Variants in PLAC8L1 observed in about 807,000 individuals in gnomAD.
PLAC8L1 encodes the protein PLAC8 like 1.
In PLAC8L1, 13 loss-of-function variants were observed where a neutral mutation model predicts 16.3. That is an observed-to-expected ratio of 0.80 (90% CI 0.52 to 1.27). The LOEUF (loss-of-function observed/expected upper bound fraction) is 1.27, where lower values mean the gene tolerates loss of function less well. PLAC8L1 is among the 50% of genes most tolerant of loss of function. PLAC8L1 has a pLI of 0.00. For synonymous variants in PLAC8L1, 78 were observed against 79.3 expected, an observed-to-expected ratio of 0.98 and a Z score of 0.09; for missense variants, 184 against 220.2, an observed-to-expected ratio of 0.84 and a Z score of 1.04.
Position 146,084,325 on chromosome 5 carries a change from C to G in PLAC8L1, c.*107G>C. On this transcript the variant is annotated 3_prime_UTR_variant, in exon 4 of 4. Transcript: ENST00000311450. ...ACAGTAGAGACAGTAGGGGGGAAAT[C>G]ATTTATTTTCATACCATTTCAGTAA... The G allele has an allele frequency of 7.3e-7, 1 of 1,366,818 alleles. No homozygotes were observed. The highest frequency in any genetic ancestry group is 2.3e-5 in the East Asian group (1 of 43,118). The allele number at this position is 1,366,818 out of a possible 1,614,324, so 84.7% of individuals were successfully genotyped here. A position where few individuals can be genotyped will look rare whatever the true frequency, so the allele number is the denominator to read the frequency against.
rs143912560 is a variant in PLAC8L1, at chr5:146,086,321, G to A, written c.257-724C>T. ...TGGGATTACAGGCGTGAGCCACCGCGCCCGGCCGAAAGGTCTTTTATAGTA... is the reference window on the plus strand; with the variant it reads ...TGGGATTACAGGCGTGAGCCACCGCACCCGGCCGAAAGGTCTTTTATAGTA... On this transcript the variant is annotated intron_variant, in intron 2 of 3. Transcript: ENST00000311450. Among the ~76,000 whole-genome samples, 332 of 152,250 alleles carry A rather than the reference G, an allele frequency of 2.2e-3. 3 individuals are homozygous for A. The highest frequency in any genetic ancestry group is 7.8e-3 in the African/African-American group (322 of 41,540).
intron 2 of PLAC8L1, 110 bp from the exon 3 acceptor site, chr5:146,085,707 C>T (rs1763499551): frequency 1.7e-6 from 2 of 1,174,208 alleles, no homozygotes; most frequent in Non-Finnish European, 2.3e-6. Context: ...TGCACTGTCT[C>T]CCTGCTATCA....
At chr5:146,098,486 C>CT (rs202236342) in intron 1 of PLAC8L1, among the ~76,000 whole-genome samples, 194 bp from the exon 2 acceptor site, 1,715 of 152,302 alleles carry the variant, frequency 0.011, 25 homozygotes, top group African/African-American at 0.035. Context: ...TGCCTCATCT[C>CT]TATTAATGGA....
At chr5:146,101,141 G>C (rs1056970635) in intron 1 of PLAC8L1, among the ~76,000 whole-genome samples, 2 of 147,050 alleles carry the variant, frequency 1.4e-5, no homozygotes, top group African/African-American at 2.5e-5. Context: ...AGGCTGCAAT[G>C]AGCCGAGATT....
rs1036094911 is a variant in PLAC8L1 at position 146,104,709 on chromosome 5, T to G, written c.-398A>C. ...ATGTGACTGAGAAGCAGCAGAGACCTCTCTTCATCCCCTGAACTGCTGGTC... is the reference window on the plus strand; with the variant it reads ...ATGTGACTGAGAAGCAGCAGAGACCGCTCTTCATCCCCTGAACTGCTGGTC... On this transcript the variant is annotated 5_prime_UTR_variant, in exon 1 of 4. Coordinates refer to ENST00000311450, the MANE Select transcript of PLAC8L1 (RefSeq NM_001029869.3). 5.3e-6 allele frequency: 1 copy of G among 187,286 alleles called. No individual in the cohort carries two copies. The highest frequency in any genetic ancestry group is 1.1e-5 in the Non-Finnish European group (1 of 91,800). The allele number at this position is 187,286 out of a possible 1,614,324, so 11.6% of individuals were successfully genotyped here.
intron 2 of PLAC8L1, among the ~76,000 whole-genome samples, chr5:146,094,293 G>T (rs561223994): frequency 6.6e-6 from 1 of 152,202 alleles, no homozygotes; most frequent in African/African-American, 2.4e-5. Flanking sequence ...TGTTGGCTAT[G>T]GTTGGTCTCA....
intron 2 of PLAC8L1, among the ~76,000 whole-genome samples, chr5:146,088,731 G>A (rs1351537111): frequency 2.0e-5 from 3 of 152,090 alleles, no homozygotes; most frequent in Admixed American, 1.3e-4. Context: ...ATAAGACTGG[G>A]ATATTTCACC....
At chr5:146,091,614 T>C (rs1486333105) in intron 2 of PLAC8L1, among the ~76,000 whole-genome samples, 2 of 150,968 alleles carry the variant, frequency 1.3e-5, no homozygotes, top group African/African-American at 2.4e-5. Context: ...CTGGGAAACA[T>C]AGCGAGACTC....
At chr5:146,088,920 A>G (rs1763565670) in intron 2 of PLAC8L1, among the ~76,000 whole-genome samples, 1 of 152,220 alleles carries the variant, frequency 6.6e-6, no homozygotes. Context: ...AAAATCAATC[A>G]ACTCTCACTT....
chr5:146,092,892 T>C (rs1220921543), intron 2 of PLAC8L1, among the ~76,000 whole-genome samples: 1 of 152,058 alleles, frequency 6.6e-6, no homozygotes, highest in Non-Finnish European at 1.5e-5. Context: ...TCTGATCACC[T>C]AGGTATGTTT....
Position 146,084,529 on chromosome 5 carries a change from G to C in PLAC8L1, c.437C>G (p.Ala146Gly). The C allele has an allele frequency of 6.2e-7, 1 of 1,614,068 alleles. No individual in the cohort carries two copies. Among genetic ancestry groups the C allele is most frequent in the Non-Finnish European group, 8.5e-7 (1 of 1,180,014 alleles). Reference sequence around the variant, plus strand: ...CCGGGCCACCTGGCAGATGGAAAAAGCCCAACAGCAGTGCACCGCCAGCCA... The same window carrying C: ...CCGGGCCACCTGGCAGATGGAAAAACCCCAACAGCAGTGCACCGCCAGCCA... ...EDWLAVHCCW[A>G]FSICQVAREL... is the part of the protein sequence containing the mutation. Residue 146 changes from alanine to glycine, a missense_variant, in exon 4 of 4, where the codon GCT becomes GGT. By Grantham distance (60) the Ala-to-Gly change is moderately conservative. Coordinates refer to ENST00000311450, the MANE Select transcript of PLAC8L1 (RefSeq NM_001029869.3).
chr5:146,093,108 T>C (rs1763649631), intron 2 of PLAC8L1, among the ~76,000 whole-genome samples: 1 of 151,894 alleles, frequency 6.6e-6, no homozygotes, highest in Non-Finnish European at 1.5e-5. Flanking sequence ...GATTACAGGA[T>C]GCTGTTTTTT....
At position 146,105,372 on chromosome 5, in the gene PLAC8L1, T is replaced by C. The variant is rs1177921616; in HGVS notation, c.-1061A>G. Among the ~76,000 whole-genome samples, 2 of 152,136 alleles carry C rather than the reference T, an allele frequency of 1.3e-5. No homozygotes were observed. The highest frequency in any genetic ancestry group is 4.8e-5 in the African/African-American group (2 of 41,414). On this transcript the variant is annotated 5_prime_UTR_variant, in exon 1 of 4. Transcript: ENST00000311450. ...ATAACTGCCTTCAATCATGGGGTTC[T>C]GGGCAACTGTCATTGTCTTCTTAAC...
chr5:146,104,171 A>C (rs758749101), intron 1 of PLAC8L1, 22 bp downstream of exon 1: 1 of 1,610,920 alleles, frequency 6.2e-7, no homozygotes, highest in East Asian at 2.2e-5. Context: ...AAGCTAGGGG[A>C]AAAACTCACC....
chr5:146,098,095 T>A, intron 2 of PLAC8L1, 61 bp downstream of exon 2: 1 of 1,537,132 alleles, frequency 6.5e-7, no homozygotes, highest in Non-Finnish European at 8.9e-7. Flanking sequence ...GGTTTTCCAC[T>A]CACTGATGTC....
At chr5:146,104,082 A>G in intron 1 of PLAC8L1, 111 bp downstream of exon 1, 1 of 1,456,992 alleles carries the variant, frequency 6.9e-7, no homozygotes, top group East Asian at 2.5e-5. Context: ...GATAGCAACC[A>G]CTTTCTTCCC....
intron 1 of PLAC8L1, among the ~76,000 whole-genome samples, chr5:146,098,905 A>G (rs1763762608): frequency 6.6e-6 from 1 of 152,170 alleles, no homozygotes; most frequent in Non-Finnish European, 1.5e-5. Context: ...ACTTCAGAAT[A>G]TGTCTTGATA....
intron 2 of PLAC8L1, among the ~76,000 whole-genome samples, chr5:146,089,183 C>T (rs959994050): frequency 2.0e-5 from 3 of 151,920 alleles, no homozygotes; most frequent in Admixed American, 6.6e-5. Flanking sequence ...AAAACACACG[C>T]TTTTGTTTTT....
chr5:146,097,480 T>C, intron 2 of PLAC8L1, among the ~76,000 whole-genome samples: 1 of 152,232 alleles, frequency 6.6e-6, no homozygotes, highest in East Asian at 1.9e-4. Flanking sequence ...GCTATAAATA[T>C]TTGTATTTGT....
Sources: allele counts gnomAD v4.1 joint callset (sites outside exome capture counted in the v4.1 genomes callset), GRCh38; gene constraint gnomAD v4.1.1; transcripts MANE v1.5; gene names NCBI Gene and HGNC (gene_info 2026-07-23, HGNC 2026-07-21).